NUDCD2: variants seen among roughly 807,000 people sequenced by gnomAD.
The protein encoded by NUDCD2 is NudC domain containing 2, also known as nudC domain-containing protein 2.
Under a neutral mutation model 20.8 loss-of-function variants are expected in NUDCD2, and 16 were observed. The observed-to-expected ratio is 0.77, with a 90% CI of 0.52 to 1.17. The LOEUF (loss-of-function observed/expected upper bound fraction) is 1.17. Among genes scored for constraint, NUDCD2 ranks in the 50% most tolerant of loss-of-function variants. The probability of loss-of-function intolerance (pLI) is 0.00; values close to 1 mark genes in which losing one functional copy is unlikely to be tolerated. For synonymous variants in NUDCD2, 87 were observed against 72.8 expected, an observed-to-expected ratio of 1.20 and a Z score of -1.00; for missense variants, 199 against 193.9, an observed-to-expected ratio of 1.03 and a Z score of -0.16.
chr5:163,453,963 G>T lies in NUDCD2; in HGVS notation c.*4C>A. ...GGATCCACAGAATGCAGGAAAAAAA[G>T]CAGTTATTTCTCAAGGTTTGAGAAA... On this transcript the variant is annotated 3_prime_UTR_variant, in exon 4 of 4. Coordinates refer to ENST00000302764, the MANE Select transcript of NUDCD2 (RefSeq NM_145266.6). 6.7e-7 allele frequency: 1 copy of T among 1,496,920 alleles called. No individual in the cohort carries two copies. The highest frequency in any genetic ancestry group is 9.0e-7 in the Non-Finnish European group (1 of 1,106,456). The allele number at this position is 1,496,920 out of a possible 1,614,324, so 92.7% of individuals were successfully genotyped here. A position where few individuals can be genotyped will look rare whatever the true frequency, so the allele number is the denominator to read the frequency against.
rs780000211 is a variant in NUDCD2, at chr5:163,450,418, G to A, written c.*3549C>T. ...TCAACAAAGTAAAGAGAGAATAGGA[G>A]AAATTACAAATCATATACCTGGTAA... On this transcript the variant is annotated 3_prime_UTR_variant, in exon 4 of 4. Transcript: ENST00000302764. 2.6e-5 allele frequency: 4 copies of A among 152,072 alleles called. No individual in the cohort carries two copies. Among genetic ancestry groups the A allele is most frequent in the Non-Finnish European group, 5.9e-5 (4 of 68,020 alleles). 9.4% of individuals were successfully genotyped at this position (152,072 alleles called of 1,614,324 possible).
chr5:163,457,154 G>C (rs75370041), intron 2 of NUDCD2, 74 bp from the exon 3 acceptor site: 1 of 851,522 alleles, frequency 1.2e-6, no homozygotes, highest in Admixed American at 3.7e-5. Context: ...TTTTTTTTTT[G>C]AGACAGTATC....
At position 163,453,061 on chromosome 5, in the gene NUDCD2, T is replaced by C. The variant is rs1164890797; in HGVS notation, c.*906A>G. The C allele has an allele frequency of 5.9e-5, 9 of 152,328 alleles. No individual in the cohort carries two copies. The highest frequency in any genetic ancestry group is 1.0e-4 in the Non-Finnish European group (7 of 68,030). 9.4% of individuals were successfully genotyped at this position (152,328 alleles called of 1,614,324 possible). On this transcript the variant is annotated 3_prime_UTR_variant, in exon 4 of 4. Coordinates refer to ENST00000302764, the MANE Select transcript of NUDCD2 (RefSeq NM_145266.6). ...ATGGTTGCATTGTAGTCATGTAAGATAATTTGAAGCAGATAGTAATCAGTA... is the reference window on the plus strand; with the variant it reads ...ATGGTTGCATTGTAGTCATGTAAGACAATTTGAAGCAGATAGTAATCAGTA...
chr5:163,459,995 C>T lies in NUDCD2; in HGVS notation c.56G>A (p.Gly19Asp). Residue 19 changes from glycine (G) to aspartate (D), a missense_variant, in exon 1 of 4, where the codon GGC becomes GAC. By Grantham distance (94) the Gly-to-Asp change is moderately conservative. Coordinates refer to ENST00000302764, the MANE Select transcript of NUDCD2 (RefSeq NM_145266.6). ...CTCCTCCAAGGTCTGGTACCACTGG[C>T]CCCACGGGGTCCCGCACGGTACCAC... is the stretch of plus-strand genomic sequence containing the variant. ...SGVVPCGTPW[G>D]QWYQTLEEVF... 6.2e-7 allele frequency: 1 copy of T among 1,613,266 alleles called. No homozygotes were observed. The highest frequency in any genetic ancestry group is 1.3e-5 in the African/African-American group (1 of 75,032).
Position 163,459,908 on chromosome 5 carries a change from T to C in NUDCD2, c.143A>G (p.Gln48Arg), listed in dbSNP as rs745597386. Residue 48 changes from glutamine (Q) to arginine (R), a missense_variant, in exon 1 of 4, where the codon CAG becomes CGG. Transcript: ENST00000302764. ...CACCGACAGCGCCACATGCCGGCTC[T>C]GGAGGCCGCACTGGATATCCTGGGC... ...TRAQDIQCGL[Q>R]SRHVALSVGG... The C allele has an allele frequency of 6.2e-7, 1 of 1,611,784 alleles. No individual in the cohort carries two copies. Among genetic ancestry groups the C allele is most frequent in the Non-Finnish European group, 8.5e-7 (1 of 1,179,276 alleles).
In NUDCD2 at chr5:163,453,955, G is replaced by GA. The variant is rs1307911656; in HGVS notation, c.*11dup. On this transcript the variant is annotated 3_prime_UTR_variant, in exon 4 of 4. Transcript: ENST00000302764. ...ATCTGCTAGGATCCACAGAATGCAG[G>GA]AAAAAAAGCAGTTATTTCTCAAGGT... 6 of 1,466,624 alleles carry GA rather than the reference G, an allele frequency of 4.1e-6. No homozygotes were observed. Among genetic ancestry groups the GA allele is most frequent in the Admixed American group, 2.1e-5 (1 of 48,220 alleles). The allele number at this position is 1,466,624 out of a possible 1,614,324, so 90.9% of individuals were successfully genotyped here.
rs779791771 is a variant in NUDCD2, at chr5:163,460,006, C to A, written c.45G>T (p.Gly15=). Residue 15 remains glycine, a synonymous_variant, in exon 1 of 4, where the codon GGG becomes GGT. Transcript: ENST00000302764. Reference sequence around the variant, plus strand: ...TCTGGTACCACTGGCCCCACGGGGTCCCGCACGGTACCACCCCACTCCGCT... The same window carrying A: ...TCTGGTACCACTGGCCCCACGGGGTACCGCACGGTACCACCCCACTCCGCT... ...FEERSGVVPC[G]TPWGQWYQTL... is the part of the protein sequence containing the mutation. The A allele has an allele frequency of 6.2e-7, 1 of 1,612,664 alleles. No individual in the cohort carries two copies. Among genetic ancestry groups the A allele is most frequent in the South Asian group, 1.1e-5 (1 of 91,014 alleles).
In NUDCD2 at chr5:163,460,046, G is replaced by GAA; in HGVS notation, c.4_5insTT (p.Ser2PhefsTer71). 6.3e-7 allele frequency: 1 copy of GAA among 1,577,852 alleles called. No individual in the cohort carries two copies. Among genetic ancestry groups the GAA allele is most frequent in the Non-Finnish European group, 8.6e-7 (1 of 1,163,916 alleles). The stretch of plus-strand genomic sequence containing the variant: ...CCCACTCCGCTCCTCAAACGGGGCC[G>GAA]ACATAATCCAGTCCCTCCCGGCCGC... On this transcript the variant is annotated frameshift_variant, in exon 1 of 4. Transcript: ENST00000302764. LOFTEE classifies it high-confidence loss of function.
intron 3 of NUDCD2, among the ~76,000 whole-genome samples, 171 bp from the exon 4 acceptor site, chr5:163,454,221 C>T (rs1426684545): frequency 2.6e-5 from 4 of 152,172 alleles, no homozygotes; most frequent in African/African-American, 9.7e-5. Flanking sequence ...CATTTTTCAA[C>T]TCTCCCAGTT....
At position 163,456,997 on chromosome 5, in the gene NUDCD2, A is replaced by G; in HGVS notation, c.322T>C (p.Tyr108His). 1 of 1,613,490 alleles carries G rather than the reference A, an allele frequency of 6.2e-7. No individual in the cohort carries two copies. The highest frequency in any genetic ancestry group is 8.5e-7 in the Non-Finnish European group (1 of 1,179,684). Residue 108 changes from tyrosine (Y) to histidine (H), a missense_variant, in exon 3 of 4, where the codon TAT (tyrosine) becomes CAT (histidine). Physicochemically the swap from Tyr to His is moderately conservative, Grantham distance 83. Transcript: ENST00000302764. Reference sequence around the variant, plus strand: ...TCTTGCACCCAAGGATCCGCTGCATATTCAGATTCTAGTAGAGAAGTCCAA... The same window carrying G: ...TCTTGCACCCAAGGATCCGCTGCATGTTCAGATTCTAGTAGAGAAGTCCAA... ...NCWTSLLESEYAADPWVQDQM... is the reference protein window; with the variant it reads ...NCWTSLLESEHAADPWVQDQM...
chr5:163,458,286 T>C (rs990710941), intron 1 of NUDCD2, among the ~76,000 whole-genome samples: 1 of 152,080 alleles, frequency 6.6e-6, no homozygotes, highest in African/African-American at 2.4e-5. Flanking sequence ...CGGCAAAATG[T>C]TGTTTTTAAA....
intron 2 of NUDCD2, 121 bp from the exon 3 acceptor site, chr5:163,457,201 G>A (rs895721887): frequency 8.5e-6 from 9 of 1,059,160 alleles, no homozygotes; most frequent in Non-Finnish European, 1.0e-5. Context: ...GCTTGATCTC[G>A]GCTCACTGAA....
In NUDCD2 at chr5:163,450,018, C is replaced by A. The variant is rs544287454; in HGVS notation, c.*3949G>T. ...GCCTGTAATCCCAGCACTTCAGAGG[C>A]TGAGGCGGGCAGATCCGTTGAGGTC... On this transcript the variant is annotated 3_prime_UTR_variant, in exon 4 of 4. Coordinates refer to ENST00000302764, the MANE Select transcript of NUDCD2 (RefSeq NM_145266.6). The A allele has an allele frequency of 2.0e-5, 3 of 152,128 alleles. No individual in the cohort carries two copies. Among genetic ancestry groups the A allele is most frequent in the African/African-American group, 7.2e-5 (3 of 41,492 alleles). The allele number at this position is 152,128 out of a possible 1,614,324, so 9.4% of individuals were successfully genotyped here.
At chr5:163,454,086 C>G in intron 3 of NUDCD2, 36 bp from the exon 4 acceptor site, 1 of 1,143,740 alleles carries the variant, frequency 8.7e-7, no homozygotes, top group Non-Finnish European at 1.2e-6. Flanking sequence ...TGAAATAAAA[C>G]TTATAAGGAA....
rs750114991 is a variant in NUDCD2, at chr5:163,460,059, C to A, written c.-9G>T. On this transcript the variant is annotated 5_prime_UTR_variant, in exon 1 of 4. Transcript: ENST00000302764. ...TCAAACGGGGCCGACATAATCCAGT[C>A]CCTCCCGGCCGCGGCCGCACCAGGC... 16 of 1,546,508 alleles carry A rather than the reference C, an allele frequency of 1.0e-5. No individual in the cohort carries two copies. Among genetic ancestry groups the A allele is most frequent in the South Asian group, 2.4e-5 (2 of 82,888 alleles).
intron 3 of NUDCD2, among the ~76,000 whole-genome samples, chr5:163,456,561 C>T (rs1758316756): frequency 6.6e-6 from 1 of 152,056 alleles, no homozygotes; most frequent in African/African-American, 2.4e-5. Context: ...CAATAGCCAA[C>T]ATATGAGATG....
Position 163,450,948 on chromosome 5 carries a change from T to A in NUDCD2, c.*3019A>T, listed in dbSNP as rs962150152. ...AAAGTGCTACAGCCATACAATGAAG[T>A]ATTTTCAGACATACTAATGAATGTG... On this transcript the variant is annotated 3_prime_UTR_variant, in exon 4 of 4. Transcript: ENST00000302764. The A allele has an allele frequency of 2.0e-5, 3 of 152,198 alleles. No individual in the cohort carries two copies. Among genetic ancestry groups the A allele is most frequent in the Admixed American group, 2.0e-4 (3 of 15,270 alleles). 9.4% of individuals were successfully genotyped at this position (152,198 alleles called of 1,614,324 possible).
At chr5:163,458,171 T>TG (rs1455477824) in intron 1 of NUDCD2, among the ~76,000 whole-genome samples, 2 of 151,814 alleles carry the variant, frequency 1.3e-5, no homozygotes, top group Non-Finnish European at 2.9e-5. Context: ...TTAGTAGAGA[T>TG]GGGGTTTCCC....
chr5:163,452,862 A>T lies in NUDCD2; in HGVS notation c.*1105T>A, dbSNP rs1292271520. ...TAAGTTGTAAAAGGAAACAAATGAG[A>T]ATTTGTTCCAGAATGAAGTAAACTA... On this transcript the variant is annotated 3_prime_UTR_variant, in exon 4 of 4. Transcript: ENST00000302764. 4.6e-5 allele frequency: 7 copies of T among 152,224 alleles called. No homozygotes were observed. Among genetic ancestry groups the T allele is most frequent in the Admixed American group, 3.3e-4 (5 of 15,290 alleles). The allele number at this position is 152,224 out of a possible 1,614,324, so 9.4% of individuals were successfully genotyped here.
Sources: gnomAD v4.1 joint callset for allele counts (sites outside exome capture counted in the v4.1 genomes callset) on GRCh38, gnomAD v4.1.1 for gene constraint, MANE v1.5 for transcripts, NCBI Gene and HGNC (gene_info 2026-07-23, HGNC 2026-07-21) for gene names.